Variants in CRACR2A observed in about 807,000 individuals in gnomAD.
The protein encoded by CRACR2A is calcium release activated channel regulator 2A.
In CRACR2A, 79 loss-of-function variants were observed where a neutral mutation model predicts 90.5. The observed-to-expected ratio is 0.87, with a 90% CI of 0.73 to 1.05. The LOEUF is 1.05. Ranked by LOEUF, CRACR2A falls within the 50% of genes least tolerant of loss-of-function variation. The pLI is 0.00. For synonymous variants in CRACR2A, 338 were observed against 356.7 expected (o/e 0.95, Z 0.59); for missense variants, 823 against 897.2 (o/e 0.92, Z 1.06).
At chr12:3,648,165 C>A in intron 11 of CRACR2A, 1 of 1,069,244 alleles carries the variant, frequency 9.4e-7, no homozygotes, top group Non-Finnish European at 1.1e-6. Context: ...TGTGAATGAA[C>A]TGCCCTACTC....
Position 3,656,327 on chromosome 12 carries a change from G to C in CRACR2A, c.842C>G (p.Thr281Ser). 1 of 1,614,070 alleles carries C rather than the reference G, an allele frequency of 6.2e-7. No individual in the cohort carries two copies. Among genetic ancestry groups the C allele is most frequent in the Non-Finnish European group, 8.5e-7 (1 of 1,180,030 alleles). ...GCAACATACCCTTTTCTGCTTCTGG[G>C]TGAGCTGCTCCAGCTCCTGCTCCTT... ...LCKEQELEQL[T>S]QKQKRLEGQC... Residue 281 changes from threonine (T) to serine (S), a missense_variant, in exon 9 of 20, where the codon ACC becomes AGC. Physicochemically the swap from Thr to Ser is moderately conservative, Grantham distance 58. Coordinates refer to ENST00000440314, the MANE Select transcript of CRACR2A (RefSeq NM_001144958.2).
chr12:3,743,048 A>G (rs1352760318), intron 1 of CRACR2A, among the ~76,000 whole-genome samples: 2 of 152,244 alleles, frequency 1.3e-5, no homozygotes, highest in African/African-American at 4.8e-5. Context: ...AATCACTACA[A>G]TGTAACCCCT....
intron 17 of CRACR2A, among the ~76,000 whole-genome samples, chr12:3,620,032 T>C (rs1944103439): frequency 6.6e-6 from 1 of 152,264 alleles, no homozygotes; most frequent in African/African-American, 2.4e-5. Flanking sequence ...ACTGTGGCCA[T>C]AGCAGCTGCA....
chr12:3,629,012 G>A (rs971094232), intron 15 of CRACR2A, among the ~76,000 whole-genome samples: 5 of 152,102 alleles, frequency 3.3e-5, no homozygotes, highest in African/African-American at 4.8e-5. Context: ...GAGTGCAATC[G>A]TCTGCGCTGA....
Position 3,640,335 on chromosome 12 carries a change from T to C in CRACR2A, c.1271+1397A>G, listed in dbSNP as rs186680807. 1,519 of 311,420 alleles carry C rather than the reference T, an allele frequency of 4.9e-3. 7 individuals are homozygous for C. Among genetic ancestry groups the C allele is most frequent in the Middle Eastern group, 0.025 (19 of 762 alleles). The allele number at this position is 311,420 out of a possible 1,614,324, so 19.3% of individuals were successfully genotyped here. ...GAGGTAGGTCCATTTGGCTCACTAC[T>C]GTATATCCAGCAAAGAGCACAGGAC... On this transcript the variant is annotated intron_variant, in intron 13 of 19. Transcript: ENST00000440314.
chr12:3,669,848 A>G (rs995287205), intron 7 of CRACR2A, among the ~76,000 whole-genome samples: 14 of 152,088 alleles, frequency 9.2e-5, no homozygotes, highest in African/African-American at 3.1e-4. Context: ...GGCTGGGGAC[A>G]GGGAGTGTGT....
At chr12:3,675,894 A>C (rs1945327516) in intron 6 of CRACR2A, among the ~76,000 whole-genome samples, 1 of 152,142 alleles carries the variant, frequency 6.6e-6, no homozygotes, top group African/African-American at 2.4e-5. Flanking sequence ...AGGGATATTC[A>C]ATAGTGCCAT....
chr12:3,719,131 G>A (rs555278180), intron 2 of CRACR2A, among the ~76,000 whole-genome samples: 10 of 152,106 alleles, frequency 6.6e-5, no homozygotes, highest in Admixed American at 1.3e-4. Flanking sequence ...ACACAGCCTC[G>A]GTTATGTGCA....
At chr12:3,744,351 C>G (rs1258018310) in intron 1 of CRACR2A, among the ~76,000 whole-genome samples, 1 of 152,204 alleles carries the variant, frequency 6.6e-6, no homozygotes, top group Non-Finnish European at 1.5e-5. Context: ...TCACATAATA[C>G]AAACCCAGAT....
At chr12:3,692,997 C>T (rs1192230744) in intron 4 of CRACR2A, among the ~76,000 whole-genome samples, 2 of 152,096 alleles carry the variant, frequency 1.3e-5, no homozygotes, top group South Asian at 2.1e-4. Context: ...TGGCTCTGTG[C>T]CCCCCAACGC....
At chr12:3,690,501 C>T (rs954060678) in intron 4 of CRACR2A, among the ~76,000 whole-genome samples, 26 of 151,902 alleles carry the variant, frequency 1.7e-4, no homozygotes, top group African/African-American at 4.4e-4. Context: ...ATTTCTAATC[C>T]GATTGTGCTG....
chr12:3,633,454 T>C lies in CRACR2A; in HGVS notation c.1735+150A>G. On this transcript the variant is annotated intron_variant, in intron 15 of 19. Coordinates refer to ENST00000440314, the MANE Select transcript of CRACR2A (RefSeq NM_001144958.2). This position sits in a 1 kb window ranked among gnomAD's most constrained non-coding sequence, Gnocchi z 4.5. ...GCTTCATCTTGCCCCTCCCAGCCTG[T>C]CTGTTGAACAGAGCAGACACCAGTA... 1 of 1,089,884 alleles carries C rather than the reference T, an allele frequency of 9.2e-7. No homozygotes were observed. Among genetic ancestry groups the C allele is most frequent in the Non-Finnish European group, 1.3e-6 (1 of 776,214 alleles). The allele number at this position is 1,089,884 out of a possible 1,614,324, so 67.5% of individuals were successfully genotyped here.
chr12:3,631,481 C>G (rs1265962741), intron 15 of CRACR2A, among the ~76,000 whole-genome samples: 1 of 152,162 alleles, frequency 6.6e-6, no homozygotes, highest in Non-Finnish European at 1.5e-5. Flanking sequence ...GGGCCTCCCC[C>G]ATGGAATGCC....
rs550450242 is a variant in CRACR2A at position 3,666,170 on chromosome 12, G to C, written c.672-6516C>G. Among the ~76,000 whole-genome samples the C allele has an allele frequency of 2.0e-5, 3 of 152,194 alleles. No individual in the cohort carries two copies. The East Asian group carries it at 5.8e-4, about 29-fold the overall frequency. On this transcript the variant is annotated intron_variant, in intron 7 of 19. Coordinates refer to ENST00000440314, the MANE Select transcript of CRACR2A (RefSeq NM_001144958.2). ...GATTCTCAACAGCAGAGGGGAGAGAGTACCAGTGAGATACTGCGGATGCCA... is the reference window on the plus strand; with the variant it reads ...GATTCTCAACAGCAGAGGGGAGAGACTACCAGTGAGATACTGCGGATGCCA...
chr12:3,703,486 G>T (rs929124938), intron 3 of CRACR2A, among the ~76,000 whole-genome samples: 1 of 152,140 alleles, frequency 6.6e-6, no homozygotes, highest in Non-Finnish European at 1.5e-5. Flanking sequence ...CTTCAAGAAG[G>T]AAACATCTTT....
rs941742222 is a variant in CRACR2A at position 3,633,391 on chromosome 12, C to T, written c.1735+213G>A. The stretch of plus-strand genomic sequence containing the variant: ...AAGTACTCAGGGGTCCCATCACACA[C>T]AGGATGAGCTTAGCAGCTAGCAGCG... On this transcript the variant is annotated intron_variant, in intron 15 of 19. Transcript: ENST00000440314. The surrounding 1 kb of genome is among the most constrained non-coding windows in gnomAD (Gnocchi z 4.5). Among the ~76,000 whole-genome samples, 6 of 152,168 alleles carry T rather than the reference C, an allele frequency of 3.9e-5. No homozygotes were observed. The highest frequency in any genetic ancestry group is 8.8e-5 in the Non-Finnish European group (6 of 68,020).
chr12:3,683,449 C>T (rs1945492765), intron 4 of CRACR2A, among the ~76,000 whole-genome samples: 2 of 152,192 alleles, frequency 1.3e-5, no homozygotes, highest in South Asian at 4.1e-4. Context: ...TGAGGAGGAA[C>T]TCAGCTTCCT....
At chr12:3,643,833 TATATATAATA>T (rs1944624747) in intron 12 of CRACR2A, among the ~76,000 whole-genome samples, 1 of 81,452 alleles carries the variant, frequency 1.2e-5, no homozygotes, top group Non-Finnish European at 2.3e-5. Flanking sequence ...TATATATAAA[TATATATAATA>T]TATATTATAT....
chr12:3,706,112 T>C (rs1945915834), intron 3 of CRACR2A, among the ~76,000 whole-genome samples: 1 of 152,226 alleles, frequency 6.6e-6, no homozygotes, highest in Non-Finnish European at 1.5e-5. Context: ...GGACCCATTA[T>C]TAAATGTCTT....
Sources: gnomAD v4.1 joint callset for allele counts (sites outside exome capture counted in the v4.1 genomes callset) on GRCh38, gnomAD v4.1.1 for gene constraint, Gnocchi (gnomAD v3.1) non-coding constraint, MANE v1.5 for transcripts, NCBI Gene and HGNC (gene_info 2026-07-23, HGNC 2026-07-21) for gene names.